Variants in SH3TC2 observed in about 807,000 individuals in gnomAD.
The protein encoded by SH3TC2 is SH3 domain and tetratricopeptide repeat-containing protein 2.
Under a neutral mutation model 124.5 loss-of-function variants are expected in SH3TC2, and 87 were observed. The observed-to-expected ratio is 0.70, with a 90% CI of 0.59 to 0.84. SH3TC2 has a LOEUF of 0.84. SH3TC2 is among the 40% of genes least tolerant of loss of function. The pLI is 0.00. For synonymous variants in SH3TC2, 634 were observed against 628.5 expected (o/e 1.01, Z -0.13); for missense variants, 1,536 against 1,566.4 (o/e 0.98, Z 0.33).
Position 149,004,704 on chromosome 5 carries a change from G to A in SH3TC2, c.*7C>T, listed in dbSNP as rs1435627564. On this transcript the variant is annotated 3_prime_UTR_variant, in exon 17 of 17. Transcript: ENST00000515425. Reference sequence around the variant, plus strand: ...ATGCCAAATGTCCAGAGACAGGACAGCTTTCCTCAGAGGGCCAGGCCACCA... The same window carrying A: ...ATGCCAAATGTCCAGAGACAGGACAACTTTCCTCAGAGGGCCAGGCCACCA... 1.9e-6 allele frequency: 3 copies of A among 1,612,708 alleles called. No individual in the cohort carries two copies. The South Asian group carries it at 3.3e-5, about 18-fold the overall frequency.
chr5:149,026,382 T>C, intron 12 of SH3TC2, 190 bp downstream of exon 12: 2 of 644,130 alleles, frequency 3.1e-6, no homozygotes, highest in South Asian at 1.9e-5. Flanking sequence ...CATGGAGAAA[T>C]TAAATAGCTT....
At position 149,038,414 on chromosome 5, in the gene SH3TC2, G is replaced by A. The variant is rs200091368; in HGVS notation, c.882C>T (p.Ser294=). 10 of 1,614,030 alleles carry A rather than the reference G, an allele frequency of 6.2e-6. No homozygotes were observed. The highest frequency in any genetic ancestry group is 1.3e-5 in the African/African-American group (1 of 74,926). ...GTATGACAAAGCCGATGATCTCAATGCTTTCTCCCTGGTAGAAATTCAGTT... is the reference window on the plus strand; with the variant it reads ...GTATGACAAAGCCGATGATCTCAATACTTTCTCCCTGGTAGAAATTCAGTT... ...KDELNFYQGE[S]IEIIGFVIPG... Residue 294 remains serine, a synonymous_variant, in exon 8 of 17, where the codon AGC becomes AGT. Transcript: ENST00000515425.
intron 12 of SH3TC2, among the ~76,000 whole-genome samples, chr5:149,018,556 C>T (rs1753913657): frequency 6.6e-6 from 1 of 152,108 alleles, no homozygotes; most frequent in Admixed American, 6.5e-5. Flanking sequence ...ACCATCAGAT[C>T]GCATGAGACT....
At chr5:149,046,035 G>A in intron 3 of SH3TC2, 3 of 359,438 alleles carry the variant, frequency 8.3e-6, no homozygotes, top group South Asian at 4.1e-5. Flanking sequence ...CCAAGCCTCC[G>A]GAGTTGACTG....
Position 148,994,585 on chromosome 5 carries a change from T to C in SH3TC2, c.*10126A>G, listed in dbSNP as rs1368832964. On this transcript the variant is annotated 3_prime_UTR_variant, in exon 17 of 17. Coordinates refer to ENST00000515425, the MANE Select transcript of SH3TC2 (RefSeq NM_024577.4). Reference sequence around the variant, plus strand: ...TTGTTTCATTGGTTGGGTATGTGGGTGGTTGGGTGGTTAGATGGTTGGTTG... The same window carrying C: ...TTGTTTCATTGGTTGGGTATGTGGGCGGTTGGGTGGTTAGATGGTTGGTTG... 6.7e-6 allele frequency among the ~76,000 whole-genome samples: 1 copy of C among 148,884 alleles called. No individual in the cohort carries two copies. The highest frequency in any genetic ancestry group is 2.5e-5 in the African/African-American group (1 of 40,290).
chr5:149,020,606 C>T (rs1398833895), intron 12 of SH3TC2, among the ~76,000 whole-genome samples: 1 of 152,054 alleles, frequency 6.6e-6, no homozygotes, highest in Non-Finnish European at 1.5e-5. Context: ...GATTCAAAGA[C>T]ACAAATAGAC....
At position 148,982,589 on chromosome 5, in the gene SH3TC2, G is replaced by C. The variant is rs1220021502; in HGVS notation, c.*22122C>G. Among the ~76,000 whole-genome samples the C allele has an allele frequency of 6.6e-6, 1 of 152,188 alleles. No individual in the cohort carries two copies. Among genetic ancestry groups the C allele is most frequent in the Non-Finnish European group, 1.5e-5 (1 of 68,034 alleles). Reference sequence around the variant, plus strand: ...AATGAATGAGGATACTGTTTGTAGAGTCATATGAAAGATTTTCCAAGATTT... The same window carrying C: ...AATGAATGAGGATACTGTTTGTAGACTCATATGAAAGATTTTCCAAGATTT... On this transcript the variant is annotated 3_prime_UTR_variant, in exon 17 of 17. Transcript: ENST00000515425.
intron 2 of SH3TC2, among the ~76,000 whole-genome samples, chr5:149,051,466 T>C (rs1336915681): frequency 6.6e-6 from 1 of 152,218 alleles, no homozygotes; most frequent in East Asian, 1.9e-4. Flanking sequence ...TATTTATTTA[T>C]TTTGAGGCAG....
Position 149,004,631 on chromosome 5 carries a change from T to C in SH3TC2, c.*80A>G. Reference sequence around the variant, plus strand: ...CTAGGCCAGGTAAGGACTCGGACCCTCCCAATGAGTATTTAAGAGCCTAGG... The same window carrying C: ...CTAGGCCAGGTAAGGACTCGGACCCCCCCAATGAGTATTTAAGAGCCTAGG... On this transcript the variant is annotated 3_prime_UTR_variant, in exon 17 of 17. Coordinates refer to ENST00000515425, the MANE Select transcript of SH3TC2 (RefSeq NM_024577.4). 2.7e-6 allele frequency: 4 copies of C among 1,504,578 alleles called. No individual in the cohort carries two copies. The highest frequency in any genetic ancestry group is 2.5e-5 in the South Asian group (2 of 81,144). The allele number at this position is 1,504,578 out of a possible 1,614,324, so 93.2% of individuals were successfully genotyped here. A position where few individuals can be genotyped will look rare whatever the true frequency, so the allele number is the denominator to read the frequency against.
chr5:149,059,831 C>T lies in SH3TC2; in HGVS notation c.52+3140G>A, dbSNP rs539574492. Reference sequence around the variant, plus strand: ...GAGATTGGAAAGAGATATCCAGGGGCCCCTAAGTATGTTTATGATGTTTTA... The same window carrying T: ...GAGATTGGAAAGAGATATCCAGGGGTCCCTAAGTATGTTTATGATGTTTTA... On this transcript the variant is annotated intron_variant, in intron 1 of 16. Transcript: ENST00000515425. Among the ~76,000 whole-genome samples, 3 of 152,100 alleles carry T rather than the reference C, an allele frequency of 2.0e-5. No individual in the cohort carries two copies. In the East Asian group the frequency reaches 5.8e-4, roughly 29 times the overall value.
Position 149,000,650 on chromosome 5 carries a change from C to T in SH3TC2, c.*4061G>A, listed in dbSNP as rs982966973. ...TGATAAATGCATGCATACATACACA[C>T]ACGTGTACATATACACACACAACTG... On this transcript the variant is annotated 3_prime_UTR_variant, in exon 17 of 17. Transcript: ENST00000515425. Among the ~76,000 whole-genome samples, 5 of 152,156 alleles carry T rather than the reference C, an allele frequency of 3.3e-5. No individual in the cohort carries two copies. Among genetic ancestry groups the T allele is most frequent in the Non-Finnish European group, 7.3e-5 (5 of 68,044 alleles).
In SH3TC2 at chr5:148,996,127, C is replaced by T. The variant is rs1428079670; in HGVS notation, c.*8584G>A. Among the ~76,000 whole-genome samples the T allele has an allele frequency of 6.6e-6, 1 of 151,974 alleles. No homozygotes were observed. The highest frequency in any genetic ancestry group is 2.4e-5 in the African/African-American group (1 of 41,358). On this transcript the variant is annotated 3_prime_UTR_variant, in exon 17 of 17. Transcript: ENST00000515425. Reference sequence around the variant, plus strand: ...ATTAGCTGGGAGTGGTTGTACATGCCTGTAGTCCCAGCTACTCGGGAGGCT... The same window carrying T: ...ATTAGCTGGGAGTGGTTGTACATGCTTGTAGTCCCAGCTACTCGGGAGGCT...
In SH3TC2 at chr5:149,027,792, C is replaced by T. The variant is rs764866364; in HGVS notation, c.1940G>A (p.Gly647Asp). 2.5e-6 allele frequency: 4 copies of T among 1,613,842 alleles called. No individual in the cohort carries two copies. The African/African-American group carries it at 4.0e-5, about 16-fold the overall frequency. The change falls in exon 11 of 17, where the codon GGC (glycine) becomes GAC (aspartate). Residue 647 changes from glycine to aspartate, a missense_variant. By Grantham distance (94) the Gly-to-Asp change is moderately conservative. Transcript: ENST00000515425. ...AAAGGGCAGGACCTCCTCGTGCCGGCCTAGGCTCAGGAGCAAGCGGATGGC... is the reference window on the plus strand; with the variant it reads ...AAAGGGCAGGACCTCCTCGTGCCGGTCTAGGCTCAGGAGCAAGCGGATGGC... The part of the protein sequence containing the change: ...FLAIRLLLSL[G>D]RHEEVLPFAE...
In SH3TC2 at chr5:148,997,126, C is replaced by T. The variant is rs553244876; in HGVS notation, c.*7585G>A. ...TTCCTAATAGCTTTTTCCATGATGT[C>T]AAAAGTAGGCTATTCTCTCATGTTC... On this transcript the variant is annotated 3_prime_UTR_variant, in exon 17 of 17. Coordinates refer to ENST00000515425, the MANE Select transcript of SH3TC2 (RefSeq NM_024577.4). 3.9e-5 allele frequency among the ~76,000 whole-genome samples: 6 copies of T among 152,310 alleles called. No individual in the cohort carries two copies. In the South Asian group the frequency reaches 1.2e-3, roughly 32 times the overall value.
intron 15 of SH3TC2, chr5:149,007,440 T>C (rs562069074): frequency 1.9e-6 from 1 of 518,000 alleles, no homozygotes; most frequent in African/African-American, 1.9e-5. Flanking sequence ...TGAGAAAGAA[T>C]TCTTCTTAAA....
At position 149,028,452 on chromosome 5, in the gene SH3TC2, A is replaced by G. The variant is rs1460173306; in HGVS notation, c.1280T>C (p.Leu427Pro). The G allele has an allele frequency of 3.7e-6, 6 of 1,612,924 alleles. No homozygotes were observed. The African/African-American group carries it at 8.0e-5, about 22-fold the overall frequency. Residue 427 changes from leucine (L) to proline (P), a missense_variant, in exon 11 of 17, where the codon CTG becomes CCG. Around this residue, in one of 3 missense-constraint regions of SH3TC2, gnomAD observed 1,102 missense variants for 1,098.6 expected, o/e 1.00. Transcript: ENST00000515425. ...RQSSSSEDSS[L>P]EEELLSATSD... ...GGTGGCCGAGAGGAGCTCCTCCTCC[A>G]GGCTGGAGTCCTCAGAGCTGCTGGA...
In SH3TC2 at chr5:148,998,711, C is replaced by A. The variant is rs532341050; in HGVS notation, c.*6000G>T. ...TGGCAGCTGGGGAGAATCCCCACCCCCTAAGCAGTCACTTGTCTCTGCTTC... is the reference window on the plus strand; with the variant it reads ...TGGCAGCTGGGGAGAATCCCCACCCACTAAGCAGTCACTTGTCTCTGCTTC... On this transcript the variant is annotated 3_prime_UTR_variant, in exon 17 of 17. Transcript: ENST00000515425. 2.8e-4 allele frequency among the ~76,000 whole-genome samples: 42 copies of A among 152,308 alleles called. No homozygotes were observed. Among genetic ancestry groups the A allele is most frequent in the African/African-American group, 9.6e-4 (40 of 41,570 alleles).
rs560716887 is a variant in SH3TC2, at chr5:148,992,021, C to G, written c.*12690G>C. Among the ~76,000 whole-genome samples, 2 of 152,304 alleles carry G rather than the reference C, an allele frequency of 1.3e-5. No homozygotes were observed. Among genetic ancestry groups the G allele is most frequent in the Admixed American group, 6.5e-5 (1 of 15,306 alleles). ...TGGTTCACTTTTCATATAATAACAA[C>G]AGAGCTGAGCTAGAGGGTCTCCAAA... On this transcript the variant is annotated 3_prime_UTR_variant, in exon 17 of 17. Transcript: ENST00000515425.
intron 8 of SH3TC2, among the ~76,000 whole-genome samples, chr5:149,032,742 T>C (rs2127398830): frequency 6.6e-6 from 1 of 152,210 alleles, no homozygotes; most frequent in South Asian, 2.1e-4. Context: ...AAAGCAGTGT[T>C]CAAGGAGGGG....
Sources: allele counts gnomAD v4.1 joint callset (sites outside exome capture counted in the v4.1 genomes callset), GRCh38; gene constraint gnomAD v4.1.1; regional missense constraint gnomAD v4.1.1; transcripts MANE v1.5; gene names NCBI Gene and HGNC (gene_info 2026-07-23, HGNC 2026-07-21).